Variants in SLC4A10 observed in about 807,000 individuals in gnomAD.
The protein encoded by SLC4A10 is sodium-driven chloride bicarbonate exchanger.
Under a neutral mutation model 137.7 loss-of-function variants are expected in SLC4A10, and 42 were observed. That is an observed-to-expected ratio of 0.30 (90% confidence interval 0.24 to 0.39). SLC4A10 has a LOEUF of 0.39. Ranked by LOEUF, SLC4A10 falls within the 10% of genes least tolerant of loss-of-function variation. The pLI is 1.00. For synonymous variants in SLC4A10, 474 were observed against 464.1 expected, an observed-to-expected ratio of 1.02 and a Z score of -0.27; for missense variants, 925 against 1,355.0, an observed-to-expected ratio of 0.68 and a Z score of 4.98.
At chr2:161,942,743 G>GTCACAAAAAGCTACTTATT (rs776369465) in intron 15 of SLC4A10, 49 bp from the exon 16 acceptor site, 1 of 1,436,158 alleles carries the variant, frequency 7.0e-7, no homozygotes, top group Non-Finnish European at 9.6e-7. Context: ...CTTCGGTACA[G>GTCACAAAAAGCTACTTATT]TCACAAAAAG....
intron 1 of SLC4A10, among the ~76,000 whole-genome samples, chr2:161,690,918 T>A (rs2041919204): frequency 2.0e-5 from 3 of 151,846 alleles, no homozygotes; most frequent in Admixed American, 2.0e-4. Flanking sequence ...AACCTGCATG[T>A]CCTGTACATG....
In SLC4A10 at chr2:161,947,603, C is replaced by A; in HGVS notation, c.2141C>A (p.Ala714Asp). The A allele has an allele frequency of 1.2e-6, 2 of 1,613,080 alleles. No homozygotes were observed. The highest frequency in any genetic ancestry group is 1.7e-6 in the Non-Finnish European group (2 of 1,179,316). The change falls in exon 17 of 27, where the codon GCC becomes GAC. Residue 714 changes from alanine (A) to aspartate (D), a missense_variant. Around this residue, in one of 11 missense-constraint regions of SLC4A10, gnomAD observed 91 missense variants for 95.6 expected, o/e 0.95. Coordinates refer to ENST00000446997, the MANE Select transcript of SLC4A10 (RefSeq NM_001178015.2). ...TTGCATGGAGAGTATGTTGGACGGGCCTGTGGCCATGATCACCCATATGTT... is the reference window on the plus strand; with the variant it reads ...TTGCATGGAGAGTATGTTGGACGGGACTGTGGCCATGATCACCCATATGTT... ...KSLHGEYVGR[A>D]CGHDHPYVPD... is the part of the protein sequence containing the mutation.
chr2:161,965,218 T>C lies in SLC4A10; in HGVS notation c.3159+45T>C, dbSNP rs187346707. 1.8e-5 allele frequency: 28 copies of C among 1,539,810 alleles called. No individual in the cohort carries two copies. The African/African-American group carries it at 3.5e-4, about 19-fold the overall frequency. On this transcript the variant is annotated intron_variant, in intron 23 of 26. Transcript: ENST00000446997. ...TTTATAAAGAAAGAAAAAAGGAACA[T>C]AGTAATATTTCTTTGCAAAACTAAA...
chr2:161,677,109 T>C (rs1364606676), intron 1 of SLC4A10, among the ~76,000 whole-genome samples: 1 of 152,082 alleles, frequency 6.6e-6, no homozygotes, highest in African/African-American at 2.4e-5. Flanking sequence ...ATGAATGGCT[T>C]GGTAGCATTC....
chr2:161,640,630 TTCCTTCCTTCCTTCCTTCCTTCCTTCC>T (rs1310925724), intron 1 of SLC4A10, among the ~76,000 whole-genome samples: 19 of 145,752 alleles, frequency 1.3e-4, no homozygotes, highest in African/African-American at 4.4e-4. Context: ...CCTTCCTTCC[TTCCTTCCTTCCTTCCTTCCTTCCTTCC>T]TTCTTTCTTT....
intron 1 of SLC4A10, among the ~76,000 whole-genome samples, chr2:161,721,879 T>G (rs1385982564): frequency 1.3e-5 from 2 of 152,218 alleles, no homozygotes; most frequent in Non-Finnish European, 2.9e-5. Flanking sequence ...ATGTTTTGTT[T>G]GTTCCTTTTC....
chr2:161,762,622 G>A (rs2050372315), intron 1 of SLC4A10, among the ~76,000 whole-genome samples: 1 of 151,958 alleles, frequency 6.6e-6, no homozygotes. Flanking sequence ...TAACATAAAA[G>A]TAATAAGATG....
chr2:161,840,073 C>A (rs758132400), intron 4 of SLC4A10, 146 bp downstream of exon 4: 7 of 931,174 alleles, frequency 7.5e-6, no homozygotes, highest in Non-Finnish European at 1.1e-5. Context: ...TATCCTATAA[C>A]GGGATATGGG....
At chr2:161,674,372 G>C (rs917976310) in intron 1 of SLC4A10, among the ~76,000 whole-genome samples, 1 of 152,176 alleles carries the variant, frequency 6.6e-6, no homozygotes, top group African/African-American at 2.4e-5. Flanking sequence ...CATTGATAGT[G>C]CATTTAATAT....
At chr2:161,803,221 A>C (rs1187010498) in intron 2 of SLC4A10, among the ~76,000 whole-genome samples, 3 of 152,090 alleles carry the variant, frequency 2.0e-5, no homozygotes, top group Non-Finnish European at 2.9e-5. Context: ...TTTTTAGATC[A>C]ATTTTAAGTT....
chr2:161,672,247 G>T (rs923623778), intron 1 of SLC4A10, among the ~76,000 whole-genome samples: 1 of 152,052 alleles, frequency 6.6e-6, no homozygotes, highest in Non-Finnish European at 1.5e-5. Flanking sequence ...TGAGTAATTT[G>T]AAAAGGAAAC....
At chr2:161,922,899 A>T (rs1248720451) in intron 15 of SLC4A10, among the ~76,000 whole-genome samples, 1 of 152,222 alleles carries the variant, frequency 6.6e-6, no homozygotes, top group African/African-American at 2.4e-5. Flanking sequence ...TCAAGTCAAT[A>T]AAAAGACCTG....
intron 10 of SLC4A10, among the ~76,000 whole-genome samples, chr2:161,883,210 T>G (rs2061949568): frequency 6.6e-6 from 1 of 152,152 alleles, no homozygotes; most frequent in Non-Finnish European, 1.5e-5. Flanking sequence ...AAAATTCAGT[T>G]GTAAATGAAC....
chr2:161,710,001 G>C (rs1374537737), intron 1 of SLC4A10: 3 of 151,424 alleles, frequency 2.0e-5, no homozygotes, highest in African/African-American at 7.3e-5. Context: ...TGCCTTATCA[G>C]GGTGAAATGA....
Position 161,984,480 on chromosome 2 carries a change from C to A in SLC4A10, c.*1328C>A, listed in dbSNP as rs1029132753. On this transcript the variant is annotated 3_prime_UTR_variant, in exon 27 of 27. Coordinates refer to ENST00000446997, the MANE Select transcript of SLC4A10 (RefSeq NM_001178015.2). ...AGTAATCATCAACTTTATAATACTC[C>A]AATATTCCGTTTTATAATAATTCAG... 5.3e-5 allele frequency: 8 copies of A among 151,968 alleles called. No individual in the cohort carries two copies. The highest frequency in any genetic ancestry group is 1.9e-4 in the African/African-American group (8 of 41,408). 9.4% of individuals were successfully genotyped at this position (151,968 alleles called of 1,614,324 possible).
intron 11 of SLC4A10, 126 bp from the exon 12 acceptor site, chr2:161,900,785 G>A: frequency 1.6e-6 from 1 of 641,910 alleles, no homozygotes; most frequent in Non-Finnish European, 2.7e-6. Context: ...CAACAAGTAA[G>A]TACAGAGCCT....
intron 6 of SLC4A10, among the ~76,000 whole-genome samples, chr2:161,869,770 T>C (rs973716171): frequency 2.6e-5 from 4 of 151,654 alleles, no homozygotes; most frequent in Non-Finnish European, 5.9e-5. Flanking sequence ...CGCAGGACTT[T>C]TGATGTGATT....
rs371127334 is a variant in SLC4A10 at position 161,823,445 on chromosome 2, G to A, written c.278-16344G>A. On this transcript the variant is annotated intron_variant, in intron 3 of 26. Transcript: ENST00000446997. ...TCTCTTCAGTAAACAGCATATTGCCGTAAAAAGAATGATCTCTCATGGTTC... is the reference window on the plus strand; with the variant it reads ...TCTCTTCAGTAAACAGCATATTGCCATAAAAAGAATGATCTCTCATGGTTC... Among the ~76,000 whole-genome samples the A allele has an allele frequency of 4.5e-4, 69 of 152,260 alleles. No homozygotes were observed. The South Asian group carries it at 9.7e-3, about 21-fold the overall frequency.
chr2:161,938,537 C>A (rs1411056165), intron 15 of SLC4A10, among the ~76,000 whole-genome samples: 49 of 150,828 alleles, frequency 3.2e-4, no homozygotes, highest in Admixed American at 3.0e-3. Context: ...CGATAATAAT[C>A]TATTATCGAT....
Sources: gnomAD v4.1 joint callset for allele counts (sites outside exome capture counted in the v4.1 genomes callset) on GRCh38, gnomAD v4.1.1 for gene constraint, gnomAD v4.1.1 regional missense constraint, MANE v1.5 for transcripts, NCBI Gene and HGNC (gene_info 2026-07-23, HGNC 2026-07-21) for gene names.